UHRF2: variants seen among roughly 807,000 people sequenced by gnomAD.
UHRF2 encodes the protein E3 ubiquitin-protein ligase UHRF2.
Under a neutral mutation model 96.8 loss-of-function variants are expected in UHRF2, and 23 were observed. The ratio of observed to expected loss-of-function variants is 0.24; its 90% confidence interval spans 0.17 to 0.34. The LOEUF (loss-of-function observed/expected upper bound fraction) is 0.34, where lower values mean the gene tolerates loss of function less well. Ranked by LOEUF, UHRF2 falls within the 10% of genes least tolerant of loss-of-function variation. UHRF2 has a pLI of 1.00. For missense variants in UHRF2, 685 were observed against 981.5 expected (o/e 0.70, Z 4.04); for synonymous variants, 385 against 332.6 (o/e 1.16, Z -1.72).
intron 4 of UHRF2, among the ~76,000 whole-genome samples, chr9:6,469,117 T>G (rs1374436488): frequency 1.3e-5 from 2 of 152,224 alleles, no homozygotes; most frequent in East Asian, 1.9e-4. Context: ...GTGATTAATA[T>G]GCTGAAAACA....
At chr9:6,501,051 A>AT (rs1165674228) in intron 14 of UHRF2, among the ~76,000 whole-genome samples, 2 of 152,232 alleles carry the variant, frequency 1.3e-5, no homozygotes, top group African/African-American at 4.8e-5. Context: ...ACCTAACCGC[A>AT]TAAGTCTTAA....
chr9:6,446,225 A>G (rs1821493776), intron 3 of UHRF2, among the ~76,000 whole-genome samples: 1 of 151,026 alleles, frequency 6.6e-6, no homozygotes, highest in African/African-American at 2.4e-5. Context: ...ATCTTGCCTC[A>G]CTGCAACCTC....
intron 10 of UHRF2, chr9:6,495,817 A>C (rs925358408): frequency 6.6e-6 from 1 of 152,210 alleles, no homozygotes; most frequent in Admixed American, 6.5e-5. Flanking sequence ...ATTATGACTG[A>C]AGGTATCTGT....
chr9:6,449,808 G>A (rs1039413597), intron 3 of UHRF2, among the ~76,000 whole-genome samples: 17 of 152,170 alleles, frequency 1.1e-4, no homozygotes, highest in African/African-American at 4.1e-4. Context: ...TAATTATCTT[G>A]AATGCTCTAA....
chr9:6,418,118 A>G (rs1456204600), intron 1 of UHRF2, among the ~76,000 whole-genome samples: 1 of 152,116 alleles, frequency 6.6e-6, no homozygotes, highest in Non-Finnish European at 1.5e-5. Context: ...CAGCTCCTCC[A>G]GAATTAGTAA....
rs538641983 is a variant in UHRF2 at position 6,421,174 on chromosome 9, A to C, written c.384+32A>C. 6 of 1,462,030 alleles carry C rather than the reference A, an allele frequency of 4.1e-6. 1 individual carries two copies. The highest frequency in any genetic ancestry group is 5.6e-6 in the Non-Finnish European group (6 of 1,064,678). The allele number at this position is 1,462,030 out of a possible 1,614,324, so 90.6% of individuals were successfully genotyped here. On this transcript the variant is annotated intron_variant, in intron 2 of 15. Transcript: ENST00000276893. ...TGTTTTCTTCAGACTTACTGTTGTG[A>C]GAATACAAATAAATTTATTTTCTGT...
chr9:6,476,308 A>G (rs1378638112), intron 5 of UHRF2, among the ~76,000 whole-genome samples: 8 of 152,160 alleles, frequency 5.3e-5, no homozygotes, highest in Admixed American at 5.2e-4. Flanking sequence ...CTTCTGTTAT[A>G]GATTCTGTCC....
intron 15 of UHRF2, 43 bp downstream of exon 15, chr9:6,504,734 GCA>G: frequency 6.7e-7 from 1 of 1,490,592 alleles, no homozygotes; most frequent in South Asian, 1.2e-5. Flanking sequence ...AGGTATGAAG[GCA>G]CACTAATTTC....
At chr9:6,494,096 C>G (rs1480345164) in intron 10 of UHRF2, 164 bp downstream of exon 10, 2 of 595,712 alleles carry the variant, frequency 3.4e-6, no homozygotes, top group Non-Finnish European at 5.8e-6. Context: ...AGCATCCTAA[C>G]ATATCTTTAT....
At chr9:6,499,727 G>C in intron 12 of UHRF2, 108 bp from the exon 13 acceptor site, 4 of 562,372 alleles carry the variant, frequency 7.1e-6, no homozygotes, top group Non-Finnish European at 9.0e-6. Context: ...TTTCAGTTTG[G>C]GGAACGTGTA....
chr9:6,501,399 C>T (rs146295727), intron 14 of UHRF2, among the ~76,000 whole-genome samples: 49 of 152,222 alleles, frequency 3.2e-4, no homozygotes, highest in African/African-American at 9.9e-4. Flanking sequence ...AATACAATTA[C>T]TTTTCTGTTT....
At chr9:6,475,197 C>T (rs889667409) in intron 4 of UHRF2, among the ~76,000 whole-genome samples, 194 bp from the exon 5 acceptor site, 1 of 152,076 alleles carries the variant, frequency 6.6e-6, no homozygotes, top group African/African-American at 2.4e-5. Flanking sequence ...TCTCATATTA[C>T]ACTATGAATG....
intron 3 of UHRF2, among the ~76,000 whole-genome samples, chr9:6,443,878 T>G (rs551263870): frequency 7.4e-4 from 113 of 152,342 alleles, no homozygotes; most frequent in Admixed American, 1.8e-3. Context: ...GCTCCCAGCA[T>G]TCTTTAAGAT....
intron 3 of UHRF2, among the ~76,000 whole-genome samples, chr9:6,450,315 C>CT (rs1563765816): frequency 7.2e-6 from 1 of 139,778 alleles, no homozygotes; most frequent in African/African-American, 2.7e-5. Flanking sequence ...CCCCCCCCCC[C>CT]ATTTATTTAA....
intron 1 of UHRF2, among the ~76,000 whole-genome samples, chr9:6,415,830 T>C (rs1422080574): frequency 1.3e-5 from 2 of 152,166 alleles, no homozygotes; most frequent in East Asian, 3.9e-4. Context: ...GAGATTCTGA[T>C]AACACCAGAG....
intron 4 of UHRF2, among the ~76,000 whole-genome samples, chr9:6,470,531 C>A (rs553027781): frequency 6.6e-6 from 1 of 151,974 alleles, no homozygotes; most frequent in African/African-American, 2.4e-5. Context: ...GAATGAGATT[C>A]CCGATGGAAC....
chr9:6,475,899 T>G (rs78689655), intron 5 of UHRF2, among the ~76,000 whole-genome samples: 6,042 of 152,296 alleles, frequency 0.04, 145 homozygotes, highest in Non-Finnish European at 0.055. Flanking sequence ...ATTCTAAATC[T>G]ATTCTTTTAG....
At chr9:6,461,930 A>G (rs921114238) in intron 4 of UHRF2, among the ~76,000 whole-genome samples, 15 of 152,240 alleles carry the variant, frequency 9.9e-5, no homozygotes, top group Non-Finnish European at 2.2e-4. Flanking sequence ...TTTTCTTTAG[A>G]ATAAATTGTT....
At chr9:6,472,982 T>C (rs1175832790) in intron 4 of UHRF2, among the ~76,000 whole-genome samples, 3 of 152,238 alleles carry the variant, frequency 2.0e-5, no homozygotes, top group African/African-American at 7.2e-5. Flanking sequence ...TGTATATTAA[T>C]GTGTATGTTT....
Sources: gnomAD v4.1 joint callset for allele counts (sites outside exome capture counted in the v4.1 genomes callset) on GRCh38, gnomAD v4.1.1 for gene constraint, MANE v1.5 for transcripts, NCBI Gene and HGNC (gene_info 2026-07-23, HGNC 2026-07-21) for gene names.